BRINP2: variants seen among roughly 807,000 people sequenced by gnomAD.
The protein encoded by BRINP2 is BMP/retinoic acid-inducible neural-specific protein 2.
Under a neutral mutation model 69.2 loss-of-function variants are expected in BRINP2, and 21 were observed. That is an observed-to-expected ratio of 0.30 (90% CI 0.22 to 0.44). BRINP2 has a LOEUF of 0.44. Among genes scored for constraint, BRINP2 ranks in the 20% least tolerant of loss-of-function variants. The pLI, the probability that BRINP2 is intolerant of heterozygous loss-of-function variation, is 1.00. For synonymous variants in BRINP2, 380 were observed against 394.1 expected, an observed-to-expected ratio of 0.96 and a Z score of 0.42; for missense variants, 877 against 986.0, an observed-to-expected ratio of 0.89 and a Z score of 1.48.
chr1:177,216,205 T>C (rs1295541321), intron 1 of BRINP2, among the ~76,000 whole-genome samples: 1 of 152,126 alleles, frequency 6.6e-6, no homozygotes, highest in Non-Finnish European at 1.5e-5. Flanking sequence ...CCTCCATTTC[T>C]GTCTTTGTAG....
chr1:177,264,663 A>G (rs1247193949), intron 4 of BRINP2, among the ~76,000 whole-genome samples: 2 of 152,220 alleles, frequency 1.3e-5, no homozygotes, highest in Non-Finnish European at 2.9e-5. Flanking sequence ...ATACACCAAT[A>G]ATAGACAAAC....
At chr1:177,195,298 A>T (rs1291449463) in intron 1 of BRINP2, among the ~76,000 whole-genome samples, 1 of 152,028 alleles carries the variant, frequency 6.6e-6, no homozygotes, top group Non-Finnish European at 1.5e-5. Context: ...CCTGTAATAA[A>T]ACAGTGTACC....
intron 1 of BRINP2, among the ~76,000 whole-genome samples, chr1:177,213,257 G>T (rs944615904): frequency 1.9e-4 from 29 of 152,102 alleles, no homozygotes; most frequent in African/African-American, 6.5e-4. Flanking sequence ...GACATTTGGG[G>T]TCACGGAATT....
At chr1:177,278,462 C>A (rs190412908) in intron 6 of BRINP2, 101 bp from the exon 7 acceptor site, 2 of 1,072,572 alleles carry the variant, frequency 1.9e-6, no homozygotes, top group Admixed American at 1.8e-5. Flanking sequence ...CTTTCTCATG[C>A]AGTAACTTTG....
At position 177,182,756 on chromosome 1, in the gene BRINP2, T is replaced by A. The variant is rs933098806; in HGVS notation, c.-77+11024T>A. On this transcript the variant is annotated intron_variant, in intron 1 of 7. Coordinates refer to ENST00000361539, the MANE Select transcript of BRINP2 (RefSeq NM_021165.4). ...CTTTGGCAGGCTCTGCTACGTACCA[T>A]GTATTTGATCTTGCCAAGTTACTTT... 2.6e-5 allele frequency among the ~76,000 whole-genome samples: 4 copies of A among 152,188 alleles called. No homozygotes were observed. The East Asian group carries it at 7.7e-4, about 29-fold the overall frequency.
intron 1 of BRINP2, among the ~76,000 whole-genome samples, chr1:177,222,673 G>GAGT (rs1286727438): frequency 2.0e-5 from 3 of 151,138 alleles, no homozygotes; most frequent in Non-Finnish European, 4.4e-5. Flanking sequence ...CAATCCTATG[G>GAGT]AGTAGCACTA....
At chr1:177,230,262 A>C in intron 2 of BRINP2, 117 bp downstream of exon 2, 2 of 1,156,192 alleles carry the variant, frequency 1.7e-6, no homozygotes, top group Non-Finnish European at 2.4e-6. Context: ...ACTGAGCTAG[A>C]GGTGAAAGCT....
chr1:177,214,642 G>T (rs2102313293), intron 1 of BRINP2, among the ~76,000 whole-genome samples: 1 of 152,286 alleles, frequency 6.6e-6, no homozygotes, highest in East Asian at 1.9e-4. Flanking sequence ...TGGGAGTTTT[G>T]CATCAGTGAC....
chr1:177,216,343 C>T (rs529509476), intron 1 of BRINP2, among the ~76,000 whole-genome samples: 1 of 152,134 alleles, frequency 6.6e-6, no homozygotes, highest in South Asian at 2.1e-4. Context: ...TTATTTGAGG[C>T]TAACAGTTTA....
chr1:177,242,644 C>T (rs1020499709), intron 2 of BRINP2, among the ~76,000 whole-genome samples: 2 of 152,150 alleles, frequency 1.3e-5, no homozygotes, highest in African/African-American at 4.8e-5. Context: ...CATATTTTTA[C>T]CATACGAACT....
intron 1 of BRINP2, among the ~76,000 whole-genome samples, chr1:177,178,297 C>A (rs1648146526): frequency 6.6e-6 from 1 of 152,148 alleles, no homozygotes; most frequent in African/African-American, 2.4e-5. Flanking sequence ...TGTAATTCTC[C>A]AGTGACTCCC....
At chr1:177,267,658 G>A (rs1651171270) in intron 4 of BRINP2, among the ~76,000 whole-genome samples, 1 of 152,112 alleles carries the variant, frequency 6.6e-6, no homozygotes. Context: ...AAAGAATCTG[G>A]TTCAAAGTCT....
intron 1 of BRINP2, among the ~76,000 whole-genome samples, chr1:177,182,050 AGTTGCATTT>A (rs1490158799): frequency 6.6e-6 from 1 of 152,156 alleles, no homozygotes; most frequent in Non-Finnish European, 1.5e-5. Context: ...GGGGAGGGAC[AGTTGCATTT>A]GCAGAAGCAA....
chr1:177,256,150 C>A, intron 3 of BRINP2, 41 bp downstream of exon 3: 3 of 1,597,896 alleles, frequency 1.9e-6, no homozygotes, highest in Non-Finnish European at 2.6e-6. Context: ...GTTGCCAGAC[C>A]ATTGGAAATA....
At chr1:177,237,577 T>A (rs1650067918) in intron 2 of BRINP2, among the ~76,000 whole-genome samples, 1 of 152,114 alleles carries the variant, frequency 6.6e-6, no homozygotes, top group African/African-American at 2.4e-5. Flanking sequence ...GCAAAGTTGA[T>A]TTGTGAAGAG....
At chr1:177,183,981 A>T (rs1457110013) in intron 1 of BRINP2, among the ~76,000 whole-genome samples, 2 of 152,238 alleles carry the variant, frequency 1.3e-5, no homozygotes, top group Non-Finnish European at 2.9e-5. Context: ...TTTTTTAAAG[A>T]GAGAGATAAG....
intron 1 of BRINP2, among the ~76,000 whole-genome samples, chr1:177,179,677 A>G (rs1026264150): frequency 2.0e-5 from 3 of 152,200 alleles, no homozygotes; most frequent in African/African-American, 7.2e-5. Context: ...TGTCACTCAG[A>G]ACCTTAGCAA....
rs142590158 is a variant in BRINP2, at chr1:177,276,265, A to G, written c.843A>G (p.Thr281=). 6.2e-7 allele frequency: 1 copy of G among 1,614,178 alleles called. No homozygotes were observed. Among genetic ancestry groups the G allele is most frequent in the Non-Finnish European group, 8.5e-7 (1 of 1,180,042 alleles). Residue 281 remains threonine (T), a synonymous_variant, in exon 6 of 8, where the codon ACA becomes ACG. Coordinates refer to ENST00000361539, the MANE Select transcript of BRINP2 (RefSeq NM_021165.4). ...TAGCTGCAGCACTCAGCTACATCAC[A>G]TGCAGCTCTGAGGGTGAGCTCGTCT... ...RFVAAALSYI[T]CSSEGELVCK...
At chr1:177,250,446 C>T (rs1650544850) in intron 2 of BRINP2, among the ~76,000 whole-genome samples, 1 of 152,228 alleles carries the variant, frequency 6.6e-6, no homozygotes, top group Non-Finnish European at 1.5e-5. Flanking sequence ...CCTGCCTCAG[C>T]CTTCTGAGTA....
Sources: allele counts gnomAD v4.1 joint callset (sites outside exome capture counted in the v4.1 genomes callset), GRCh38; gene constraint gnomAD v4.1.1; transcripts MANE v1.5; gene names NCBI Gene and HGNC (gene_info 2026-07-23, HGNC 2026-07-21).